Variants in C19orf47 observed in about 807,000 individuals in gnomAD.
The protein encoded by C19orf47 is uncharacterized protein C19orf47.
Under a neutral mutation model 32.3 loss-of-function variants are expected in C19orf47, and 18 were observed. That is an observed-to-expected ratio of 0.56 (90% CI 0.39 to 0.83). The LOEUF (loss-of-function observed/expected upper bound fraction) is 0.83. C19orf47 is among the 40% of genes least tolerant of loss of function. C19orf47 has a pLI of 0.00. For synonymous variants in C19orf47, 202 were observed against 211.1 expected, an observed-to-expected ratio of 0.96 and a Z score of 0.37; for missense variants, 484 against 531.6, an observed-to-expected ratio of 0.91 and a Z score of 0.88.
chr19:40,310,935 G>A, the C19orf47 span, among the ~76,000 whole-genome samples: 3 of 151,950 alleles, frequency 2.0e-5, no homozygotes, highest in East Asian at 1.9e-4. Context: ...TGTGCCTACC[G>A]CCCAGTTTTA....
chr19:40,300,359 G>C, the C19orf47 span, among the ~76,000 whole-genome samples: 1 of 151,622 alleles, frequency 6.6e-6, no homozygotes, highest in Non-Finnish European at 1.5e-5. Flanking sequence ...CAGCTACTTG[G>C]GAGGGTGAGG....
At chr19:40,308,686 A>G in the C19orf47 span, among the ~76,000 whole-genome samples, 4 of 126,674 alleles carry the variant, frequency 3.2e-5, no homozygotes, top group African/African-American at 1.2e-4. Flanking sequence ...CTGGTCTCAA[A>G]CTCCTCACCT....
chr19:40,309,232 C>T, the C19orf47 span, among the ~76,000 whole-genome samples: 1 of 150,278 alleles, frequency 6.7e-6, no homozygotes, highest in African/African-American at 2.5e-5. Context: ...CACTCTGTCA[C>T]CCAGGCTGGT....
At chr19:40,300,458 C>T in the C19orf47 span, among the ~76,000 whole-genome samples, 5 of 151,328 alleles carry the variant, frequency 3.3e-5, no homozygotes, top group Non-Finnish European at 5.9e-5. Flanking sequence ...CAGCTAGACA[C>T]CATCTCAAAA....
At chr19:40,316,557 C>T (rs2077663474), downstream of C19orf47, among the ~76,000 whole-genome samples, 1 of 152,134 alleles carries the variant, frequency 6.6e-6, no homozygotes, top group Non-Finnish European at 1.5e-5. Flanking sequence ...AGGTGGTAGT[C>T]AACGTTAGCT....
chr19:40,307,805 CTTT>C, the C19orf47 span, among the ~76,000 whole-genome samples: 1 of 144,876 alleles, frequency 6.9e-6, no homozygotes. Context: ...GGTTTTGTGG[CTTT>C]TTTTTTTTGA....
intron 4 of C19orf47, among the ~76,000 whole-genome samples, chr19:40,334,423 TG>T (rs1228706823): frequency 6.6e-6 from 1 of 152,116 alleles, no homozygotes; most frequent in Non-Finnish European, 1.5e-5. Context: ...CATTCTAGCC[TG>T]GGCAACAGAG....
chr19:40,336,440 T>G, intron 2 of C19orf47, 33 bp from the exon 3 acceptor site: 1 of 1,576,258 alleles, frequency 6.3e-7, no homozygotes, highest in Non-Finnish European at 8.7e-7. Context: ...TTACTCACAC[T>G]GTCCTCTTTA....
chr19:40,336,898 C>A (rs1435950832), intron 2 of C19orf47, among the ~76,000 whole-genome samples: 2 of 152,076 alleles, frequency 1.3e-5, no homozygotes, highest in African/African-American at 4.8e-5. Context: ...CCTTGGCAAG[C>A]CCCCACCCGC....
the C19orf47 span, among the ~76,000 whole-genome samples, chr19:40,306,565 G>A: frequency 1.3e-5 from 2 of 151,772 alleles, no homozygotes; most frequent in Non-Finnish European, 2.9e-5. Context: ...ATCACGCCCA[G>A]CTGATTTTTG....
At chr19:40,347,047 A>AT (rs2078312793) in intron 1 of C19orf47, among the ~76,000 whole-genome samples, 1 of 152,174 alleles carries the variant, frequency 6.6e-6, no homozygotes. Context: ...ATGGGGGTCC[A>AT]TGGGATCTGA....
At chr19:40,318,197 T>A (rs1032050895), downstream of C19orf47, among the ~76,000 whole-genome samples, 4 of 152,132 alleles carry the variant, frequency 2.6e-5, no homozygotes, top group East Asian at 7.7e-4. Flanking sequence ...CAGCATAGGG[T>A]ACATAGTGAG....
the C19orf47 span, among the ~76,000 whole-genome samples, chr19:40,299,004 T>C: frequency 6.6e-6 from 1 of 152,158 alleles, no homozygotes; most frequent in Non-Finnish European, 1.5e-5. Flanking sequence ...AACTAGAATT[T>C]GGCATTATCT....
intron 2 of C19orf47, 178 bp downstream of exon 2, chr19:40,341,661 G>A (rs1417213446): frequency 1.5e-5 from 12 of 824,416 alleles, no homozygotes; most frequent in Non-Finnish European, 1.5e-5. Flanking sequence ...GAGAGATCCA[G>A]TGATGAGGCG....
At chr19:40,331,827 A>T (rs537739447) in intron 5 of C19orf47, among the ~76,000 whole-genome samples, 1 of 152,292 alleles carries the variant, frequency 6.6e-6, no homozygotes, top group South Asian at 2.1e-4. Context: ...ACCTACAGTC[A>T]GGAGCTCGAG....
downstream of C19orf47, among the ~76,000 whole-genome samples, chr19:40,317,547 G>A (rs1053562524): frequency 1.1e-4 from 16 of 152,036 alleles, no homozygotes; most frequent in Non-Finnish European, 2.4e-4. Flanking sequence ...ATAACGGGTG[G>A]GCCACTGTGA....
intron 8 of C19orf47, among the ~76,000 whole-genome samples, chr19:40,323,681 T>G (rs2077768065): frequency 6.6e-6 from 1 of 152,100 alleles, no homozygotes; most frequent in African/African-American, 2.4e-5. Context: ...TCAGACCCAC[T>G]GACAGACTGC....
intron 1 of C19orf47, among the ~76,000 whole-genome samples, chr19:40,346,344 G>A (rs2078277764): frequency 6.7e-6 from 1 of 149,090 alleles, no homozygotes; most frequent in African/African-American, 2.5e-5. Context: ...TCAGGAGGCT[G>A]AGGCAGGAGA....
At chr19:40,340,076 A>T (rs10419783) in intron 2 of C19orf47, among the ~76,000 whole-genome samples, 147,857 of 151,730 alleles carry the variant, frequency 0.97, 72,069 homozygotes, top group African/African-American at 0.99. Flanking sequence ...GAGGGGAGTG[A>T]GATTGGGGTA....
Sources: gnomAD v4.1 joint callset for allele counts (sites outside exome capture counted in the v4.1 genomes callset) on GRCh38, gnomAD v4.1.1 for gene constraint, MANE v1.5 for transcripts, NCBI Gene and HGNC (gene_info 2026-07-23, HGNC 2026-07-21) for gene names.